HHAT: variants seen among roughly 807,000 people sequenced by gnomAD.
HHAT encodes protein-cysteine N-palmitoyltransferase HHAT.
A neutral mutation model predicts 70.8 loss-of-function variants in HHAT; 47 were observed. The observed-to-expected ratio is 0.66, with a 90% CI of 0.53 to 0.85. HHAT has a LOEUF of 0.85. Among genes scored for constraint, HHAT ranks in the 40% least tolerant of loss-of-function variants. The probability of loss-of-function intolerance (pLI) is 0.00; values close to 1 mark genes in which losing one functional copy is unlikely to be tolerated. For missense variants in HHAT, 609 were observed against 604.8 expected, an observed-to-expected ratio of 1.01 and a Z score of -0.07; for synonymous variants, 228 against 247.6, an observed-to-expected ratio of 0.92 and a Z score of 0.74.
At chr1:210,592,473 C>G (rs1180774206) in intron 10 of HHAT, among the ~76,000 whole-genome samples, 1 of 151,936 alleles carries the variant, frequency 6.6e-6, no homozygotes, top group African/African-American at 2.4e-5. Flanking sequence ...TGTGATTCCT[C>G]CAGTTTTGTA....
At chr1:210,425,612 G>T (rs189876063) in intron 7 of HHAT, among the ~76,000 whole-genome samples, 1 of 152,162 alleles carries the variant, frequency 6.6e-6, no homozygotes, top group East Asian at 1.9e-4. Context: ...TTTCCCCATT[G>T]CTTGTTTTTG....
intron 8 of HHAT, among the ~76,000 whole-genome samples, chr1:210,468,582 G>T (rs1335825771): frequency 2.0e-5 from 3 of 152,154 alleles, no homozygotes; most frequent in Non-Finnish European, 4.4e-5. Context: ...CCTTCTTTTA[G>T]TGAGGCATTG....
At chr1:210,396,700 C>T (rs1033817265) in intron 4 of HHAT, among the ~76,000 whole-genome samples, 4 of 152,164 alleles carry the variant, frequency 2.6e-5, no homozygotes, top group African/African-American at 9.7e-5. Context: ...AGATAGCCTC[C>T]AGTAGGTTAA....
intron 9 of HHAT, among the ~76,000 whole-genome samples, chr1:210,556,827 A>AT (rs560864017): frequency 8.9e-4 from 135 of 152,294 alleles, no homozygotes; most frequent in African/African-American, 3.1e-3. Context: ...AATGGGTGTG[A>AT]TTTTTTCTGG....
At chr1:210,632,594 G>T (rs571079056) in intron 11 of HHAT, among the ~76,000 whole-genome samples, 51 of 152,284 alleles carry the variant, frequency 3.3e-4, no homozygotes, top group African/African-American at 1.2e-3. Flanking sequence ...TTTCCTATTG[G>T]CACAACTGCC....
chr1:210,638,722 CAAAAAAAAAAAAA>C (rs71146238), intron 11 of HHAT, among the ~76,000 whole-genome samples: 4 of 95,264 alleles, frequency 4.2e-5, no homozygotes, highest in Non-Finnish European at 7.9e-5. Context: ...CCTGTATTTA[CAAAAAAAAAAAAA>C]AAAAAAAAAA....
At chr1:210,555,470 C>T (rs938665122) in intron 9 of HHAT, among the ~76,000 whole-genome samples, 2 of 152,152 alleles carry the variant, frequency 1.3e-5, no homozygotes, top group East Asian at 3.9e-4. Context: ...GGAATTGGGC[C>T]CTAGTCCTGT....
chr1:210,652,769 A>G (rs919816317), intron 11 of HHAT, among the ~76,000 whole-genome samples: 1 of 152,224 alleles, frequency 6.6e-6, no homozygotes, highest in Non-Finnish European at 1.5e-5. Context: ...GCAAATGAGA[A>G]GACACTCAAC....
chr1:210,654,459 G>A (rs949060514), intron 11 of HHAT, among the ~76,000 whole-genome samples: 7 of 152,178 alleles, frequency 4.6e-5, no homozygotes, highest in African/African-American at 1.7e-4. Flanking sequence ...ATAGTGCCCA[G>A]CACACAGAAA....
At chr1:210,650,032 C>T (rs950884713) in intron 11 of HHAT, among the ~76,000 whole-genome samples, 3 of 152,180 alleles carry the variant, frequency 2.0e-5, no homozygotes, top group Non-Finnish European at 4.4e-5. Flanking sequence ...AGTTTTTCCC[C>T]TGCCTCCCCA....
At chr1:210,421,814 C>T (rs2092913213) in intron 7 of HHAT, among the ~76,000 whole-genome samples, 1 of 151,898 alleles carries the variant, frequency 6.6e-6, no homozygotes, top group Non-Finnish European at 1.5e-5. Flanking sequence ...CTGTCTTTTT[C>T]TTGTGGATTC....
At chr1:210,503,194 A>G (rs919141133) in intron 8 of HHAT, among the ~76,000 whole-genome samples, 6 of 152,146 alleles carry the variant, frequency 3.9e-5, no homozygotes, top group Non-Finnish European at 8.8e-5. Context: ...TCCTGGCCTA[A>G]AGTGATTTGT....
At chr1:210,478,118 G>A (rs912213852) in intron 8 of HHAT, among the ~76,000 whole-genome samples, 1 of 152,180 alleles carries the variant, frequency 6.6e-6, no homozygotes, top group Non-Finnish European at 1.5e-5. Flanking sequence ...TACAGAGTGG[G>A]ATGTGGTATA....
chr1:210,524,331 G>C (rs1480240716), intron 9 of HHAT, among the ~76,000 whole-genome samples: 1 of 152,200 alleles, frequency 6.6e-6, no homozygotes, highest in Non-Finnish European at 1.5e-5. Context: ...GGAGGGTGCA[G>C]GTGTGAGTGC....
At chr1:210,574,144 A>T (rs910948391) in intron 9 of HHAT, among the ~76,000 whole-genome samples, 1 of 152,216 alleles carries the variant, frequency 6.6e-6, no homozygotes, top group Non-Finnish European at 1.5e-5. Context: ...GTTGAAAGAG[A>T]TCATCTAGAT....
intron 9 of HHAT, among the ~76,000 whole-genome samples, chr1:210,566,447 C>T (rs777551313): frequency 6.6e-6 from 1 of 152,088 alleles, no homozygotes; most frequent in Admixed American, 6.5e-5. Flanking sequence ...AACAGGCATT[C>T]TTGTTTTTGT....
intron 2 of HHAT, among the ~76,000 whole-genome samples, chr1:210,355,690 G>GT (rs1413570610): frequency 2.0e-5 from 3 of 152,036 alleles, no homozygotes; most frequent in African/African-American, 4.8e-5. Flanking sequence ...TTGATATCCT[G>GT]TTAGCTTTAT....
In HHAT at chr1:210,340,251, A is replaced by G. The variant is rs1399105038; in HGVS notation, c.-43-8682A>G. On this transcript the variant is annotated intron_variant, in intron 1 of 11. Transcript: ENST00000261458. ...GCAAGACTCTGTCTCAGAAAAAAAA[A>G]AAAAAAAAAAAAAAAAAGACTCAAG... Among the ~76,000 whole-genome samples, 151 of 147,960 alleles carry G rather than the reference A, an allele frequency of 1.0e-3. 4 individuals are homozygous for G. Among genetic ancestry groups the G allele is most frequent in the South Asian group, 2.3e-3 (11 of 4,694 alleles).
intron 4 of HHAT, among the ~76,000 whole-genome samples, chr1:210,400,189 G>T (rs1364998202): frequency 2.0e-5 from 3 of 152,050 alleles, no homozygotes; most frequent in African/African-American, 7.2e-5. Context: ...TGACCCAGGG[G>T]TCTGGGTGGC....
Sources: gnomAD v4.1 joint callset for allele counts (sites outside exome capture counted in the v4.1 genomes callset) on GRCh38, gnomAD v4.1.1 for gene constraint, MANE v1.5 for transcripts, NCBI Gene and HGNC (gene_info 2026-07-23, HGNC 2026-07-21) for gene names.